Variants in MSL2 observed in about 807,000 individuals in gnomAD.
MSL2 encodes the protein E3 ubiquitin-protein ligase MSL2.
A neutral mutation model predicts 35.8 loss-of-function variants in MSL2; 2 were observed. The ratio of observed to expected loss-of-function variants is 0.06; its 90% CI spans 0.02 to 0.18. The LOEUF is 0.18. MSL2 is among the 10% of genes least tolerant of loss of function. The probability of loss-of-function intolerance (pLI) is 1.00; values close to 1 mark genes in which losing one functional copy is unlikely to be tolerated. For missense variants in MSL2, 523 were observed against 706.7 expected (o/e 0.74, Z 2.95); for synonymous variants, 296 against 255.7 (o/e 1.16, Z -1.50).
At chr3:136,161,736 A>AG (rs1457926076) in intron 1 of MSL2, among the ~76,000 whole-genome samples, 21 of 152,262 alleles carry the variant, frequency 1.4e-4, no homozygotes, top group Admixed American at 9.2e-4. Context: ...GGAACCTTTT[A>AG]GGGGGATGAA....
At position 136,152,033 on chromosome 3, in the gene MSL2, G is replaced by A. The variant is rs1939388550; in HGVS notation, c.848C>T (p.Thr283Ile). 6.2e-7 allele frequency: 1 copy of A among 1,614,170 alleles called. No homozygotes were observed. Among genetic ancestry groups the A allele is most frequent in the Non-Finnish European group, 8.5e-7 (1 of 1,180,036 alleles). The change falls in exon 2 of 2, where the codon ACA becomes ATA. Residue 283 changes from threonine (T) to isoleucine (I), a missense_variant. This residue lies in a region of MSL2 where 361 missense variants were observed against 414.6 expected (regional missense o/e 0.87). Coordinates refer to ENST00000309993, the MANE Select transcript of MSL2 (RefSeq NM_018133.4). Reference sequence around the variant, plus strand: ...CTGCAAATTAGGGCAACAGACCTCTGTATTTGAAACAGTTTCTAAGCTGCG... The same window carrying A: ...CTGCAAATTAGGGCAACAGACCTCTATATTTGAAACAGTTTCTAAGCTGCG... ...VLRSLETVSN[T>I]EVCCPNLQPN... is the part of the protein sequence containing the mutation.
chr3:136,172,266 A>G (rs937347240), intron 1 of MSL2, among the ~76,000 whole-genome samples: 2 of 151,142 alleles, frequency 1.3e-5, no homozygotes, highest in African/African-American at 2.4e-5. Flanking sequence ...ACTCATACTC[A>G]CTCCCCGACA....
At chr3:136,175,665 G>A (rs1174204002) in intron 1 of MSL2, among the ~76,000 whole-genome samples, 5 of 146,904 alleles carry the variant, frequency 3.4e-5, no homozygotes, top group African/African-American at 9.7e-5. Flanking sequence ...CCTAGCCTGC[G>A]TGACAGAGGC....
chr3:136,181,610 C>A (rs1940365860), intron 1 of MSL2, among the ~76,000 whole-genome samples: 1 of 152,096 alleles, frequency 6.6e-6, no homozygotes, highest in Non-Finnish European at 1.5e-5. Context: ...CAACCCCATC[C>A]AGCTCAATGT....
chr3:136,178,803 G>A (rs1431573284), intron 1 of MSL2, among the ~76,000 whole-genome samples: 3 of 151,892 alleles, frequency 2.0e-5, no homozygotes. Context: ...CTCCCAAAGT[G>A]CTGGGATTAC....
At chr3:136,180,283 C>G (rs1940303928) in intron 1 of MSL2, among the ~76,000 whole-genome samples, 1 of 152,114 alleles carries the variant, frequency 6.6e-6, no homozygotes, top group African/African-American at 2.4e-5. Context: ...ACGGCATCTA[C>G]AAACACTTCA....
intron 1 of MSL2, among the ~76,000 whole-genome samples, chr3:136,191,364 A>T (rs1326198393): frequency 1.3e-5 from 2 of 151,920 alleles, no homozygotes; most frequent in Non-Finnish European, 2.9e-5. Flanking sequence ...GCTACTCGGG[A>T]AGCTGAGGCA....
intron 1 of MSL2, among the ~76,000 whole-genome samples, chr3:136,180,808 GGGAA>G (rs1940331933): frequency 1.9e-5 from 1 of 53,022 alleles, no homozygotes; most frequent in African/African-American, 8.8e-5. Flanking sequence ...GAGGGAGGGA[GGGAA>G]GGAGGGAAGG....
At chr3:136,189,790 T>C (rs80049766) in intron 1 of MSL2, among the ~76,000 whole-genome samples, 67 of 149,446 alleles carry the variant, frequency 4.5e-4, no homozygotes, top group Non-Finnish European at 8.9e-4. Flanking sequence ...ACTGTTAAAA[T>C]AGACCCTGTT....
Position 136,195,525 on chromosome 3 carries a change from A to G in MSL2, c.-412T>C. ...AAGTCGAGCTGGCAGGCGCGGGAGCAGGCCCCGGCCCCGTCTGAGGCGCGG... is the reference window on the plus strand; with the variant it reads ...AAGTCGAGCTGGCAGGCGCGGGAGCGGGCCCCGGCCCCGTCTGAGGCGCGG... On this transcript the variant is annotated 5_prime_UTR_variant, in exon 1 of 2. Transcript: ENST00000309993. 2 of 1,011,680 alleles carry G rather than the reference A, an allele frequency of 2.0e-6. No individual in the cohort carries two copies. Among genetic ancestry groups the G allele is most frequent in the Non-Finnish European group, 2.4e-6 (2 of 846,916 alleles). The allele number at this position is 1,011,680 out of a possible 1,614,324, so 62.7% of individuals were successfully genotyped here.
intron 1 of MSL2, among the ~76,000 whole-genome samples, chr3:136,187,006 T>C (rs987530782): frequency 1.3e-5 from 2 of 152,164 alleles, no homozygotes; most frequent in East Asian, 1.9e-4. Context: ...AAAATGTCCA[T>C]ACATGTTCAG....
intron 1 of MSL2, among the ~76,000 whole-genome samples, chr3:136,192,599 AAG>A (rs952240441): frequency 2.0e-5 from 3 of 152,284 alleles, no homozygotes; most frequent in Middle Eastern, 3.4e-3. Flanking sequence ...AAAAAAGAAA[AAG>A]ATATAAAAAA....
intron 1 of MSL2, among the ~76,000 whole-genome samples, chr3:136,160,252 G>A (rs1939661564): frequency 7.0e-6 from 1 of 142,814 alleles, no homozygotes; most frequent in Non-Finnish European, 1.5e-5. Context: ...CTCCAGCTTG[G>A]GCGACAGAGA....
At chr3:136,153,070 A>C (rs1468798437) in intron 1 of MSL2, 1 of 985,212 alleles carries the variant, frequency 1.0e-6, no homozygotes, top group Non-Finnish European at 1.2e-6. Context: ...AGAAGCACAA[A>C]CTAGGGTTAA....
At position 136,195,908 on chromosome 3, in the gene MSL2, C is replaced by A. The variant is rs898493353; in HGVS notation, c.-795G>T. ...CAAGCCCGGCCGGGCCGCGGCGGCG[C>A]CCCTCGCGCCTCAGTCGCACACTCC... On this transcript the variant is annotated 5_prime_UTR_variant, in exon 1 of 2. Transcript: ENST00000309993. 4.0e-4 allele frequency: 310 copies of A among 771,258 alleles called. No homozygotes were observed. The highest frequency in any genetic ancestry group is 1.5e-3 in the Admixed American group (24 of 15,932). 47.8% of individuals were successfully genotyped at this position (771,258 alleles called of 1,614,324 possible).
chr3:136,179,315 T>A (rs145181735), intron 1 of MSL2, among the ~76,000 whole-genome samples: 1 of 151,878 alleles, frequency 6.6e-6, no homozygotes, highest in Non-Finnish European at 1.5e-5. Flanking sequence ...AGCTCCCGAG[T>A]AGCTGGGATT....
intron 1 of MSL2, among the ~76,000 whole-genome samples, chr3:136,164,412 CCCA>C (rs1040597762): frequency 1.4e-4 from 22 of 152,282 alleles, no homozygotes; most frequent in Admixed American, 4.6e-4. Context: ...CCCACCATTC[CCCA>C]CCACAAATAT....
intron 1 of MSL2, among the ~76,000 whole-genome samples, chr3:136,189,944 G>A (rs10935179): frequency 4.6e-5 from 7 of 151,908 alleles, no homozygotes; most frequent in African/African-American, 7.3e-5. Context: ...AACCAGGCGC[G>A]GGGGTGCACT....
Position 136,151,363 on chromosome 3 carries a change from C to T in MSL2, c.1518G>A (p.Gly506=), listed in dbSNP as rs1282328209. ...RGCQNSYMAN[G]EKKLEAFAVP... is the part of the protein sequence containing the mutation. ...CGGCAAATGCCTCCAGCTTCTTCTC[C>T]CCATTGGCCATATAGGAGTTTTGGC... Residue 506 remains glycine (G), a synonymous_variant, in exon 2 of 2, where the codon GGG becomes GGA. Transcript: ENST00000309993. This position sits in a 1 kb window ranked among gnomAD's most constrained non-coding sequence, Gnocchi z 5.2. 3 of 1,614,052 alleles carry T rather than the reference C, an allele frequency of 1.9e-6. No homozygotes were observed. Among genetic ancestry groups the T allele is most frequent in the Non-Finnish European group, 2.5e-6 (3 of 1,180,036 alleles).
Sources: gnomAD v4.1 joint callset for allele counts (sites outside exome capture counted in the v4.1 genomes callset) on GRCh38, gnomAD v4.1.1 for gene constraint, gnomAD v4.1.1 regional missense constraint, Gnocchi (gnomAD v3.1) non-coding constraint, MANE v1.5 for transcripts, NCBI Gene and HGNC (gene_info 2026-07-23, HGNC 2026-07-21) for gene names.